CPAMD8: variants seen among roughly 807,000 people sequenced by gnomAD.
CPAMD8 encodes C3 and PZP-like alpha-2-macroglobulin domain-containing protein 8.
In CPAMD8, 146 loss-of-function variants were observed where a neutral mutation model predicts 224.7. The observed-to-expected ratio is 0.65, with a 90% CI of 0.57 to 0.75. The LOEUF is 0.75. CPAMD8 is among the 30% of genes least tolerant of loss of function. CPAMD8 has a pLI of 0.00. For missense variants in CPAMD8, 2,301 were observed against 2,537.5 expected, an observed-to-expected ratio of 0.91 and a Z score of 2.00; for synonymous variants, 966 against 1,044.6, an observed-to-expected ratio of 0.92 and a Z score of 1.45.
At chr19:17,006,430 G>C (rs556791614) in intron 7 of CPAMD8, among the ~76,000 whole-genome samples, 1 of 152,004 alleles carries the variant, frequency 6.6e-6, no homozygotes, top group Non-Finnish European at 1.5e-5. Flanking sequence ...GGCTGAGGTG[G>C]GAGGATCACT....
At chr19:16,916,421 T>C (rs192837563) in intron 27 of CPAMD8, among the ~76,000 whole-genome samples, 53 of 152,232 alleles carry the variant, frequency 3.5e-4, no homozygotes, top group Non-Finnish European at 6.6e-4. Flanking sequence ...AGCTAATATT[T>C]TTGTATTTTT....
intron 27 of CPAMD8, among the ~76,000 whole-genome samples, chr19:16,917,979 T>C (rs2053024703): frequency 6.6e-6 from 1 of 152,032 alleles, no homozygotes; most frequent in Non-Finnish European, 1.5e-5. Flanking sequence ...CCGACACATA[T>C]CCTCCCGTGA....
chr19:16,952,301 G>C, intron 19 of CPAMD8, 101 bp from the exon 20 acceptor site: 1 of 695,616 alleles, frequency 1.4e-6, no homozygotes, highest in Non-Finnish European at 2.5e-6. Context: ...GCTCAGAGAG[G>C]CACCCTAGGA....
chr19:16,944,219 C>T (rs945908266), intron 22 of CPAMD8, among the ~76,000 whole-genome samples: 1 of 152,222 alleles, frequency 6.6e-6, no homozygotes, highest in African/African-American at 2.4e-5. Flanking sequence ...GAGCATTTTG[C>T]TGCTTTATCA....
intron 36 of CPAMD8, among the ~76,000 whole-genome samples, chr19:16,900,833 G>A (rs1213200769): frequency 3.9e-5 from 6 of 151,982 alleles, no homozygotes; most frequent in South Asian, 2.1e-4. Flanking sequence ...GCAACATGGC[G>A]AAACCCTGTC....
At chr19:16,940,814 GA>G (rs1163392093) in intron 22 of CPAMD8, among the ~76,000 whole-genome samples, 1 of 152,196 alleles carries the variant, frequency 6.6e-6, no homozygotes, top group East Asian at 1.9e-4. Context: ...GGGCACCAGG[GA>G]AGGCCCCAGA....
In CPAMD8 at chr19:16,987,166, AAAAAAAAAAAAAAATATATAT is replaced by A. The variant is rs1483825651; in HGVS notation, c.1395+2456_1395+2476del. Among the ~76,000 whole-genome samples, 940 of 103,938 alleles carry A rather than the reference AAAAAAAAAAAAAAATATATAT, an allele frequency of 9.0e-3. 9 individuals carry two copies. Among genetic ancestry groups the A allele is most frequent in the African/African-American group, 0.037 (894 of 24,396 alleles). 68.2% of individuals were successfully genotyped at this position (103,938 alleles called of 152,430 possible). A position where few individuals can be genotyped will look rare whatever the true frequency, so the allele number is the denominator to read the frequency against. On this transcript the variant is annotated intron_variant, in intron 13 of 41. Coordinates refer to ENST00000443236, the MANE Select transcript of CPAMD8 (RefSeq NM_015692.5). Reference sequence around the variant, plus strand: ...AGAGACTCTGTCAAAAAAAAAAAAAAAAAAAAAAAAAAAATATATATATATATATATATATATATATATGTA... The same window carrying A: ...AGAGACTCTGTCAAAAAAAAAAAAAAATATATATATATATATATATATGTA...
At chr19:16,896,055 AG>A (rs1390593542) in intron 41 of CPAMD8, 120 bp downstream of exon 41, 1 of 1,035,358 alleles carries the variant, frequency 9.7e-7, no homozygotes, top group South Asian at 1.3e-5. Flanking sequence ...TCCCACTGCC[AG>A]TGGGGGGTCG....
chr19:17,001,685 T>C (rs2123036477), intron 9 of CPAMD8, among the ~76,000 whole-genome samples: 1 of 150,746 alleles, frequency 6.6e-6, no homozygotes, highest in East Asian at 2.0e-4. Flanking sequence ...CACCGAGTAC[T>C]AGGGAGGGAG....
At chr19:16,904,176 A>ACGG in intron 32 of CPAMD8, 50 bp downstream of exon 32, 49 of 937,296 alleles carry the variant, frequency 5.2e-5, no homozygotes, top group Middle Eastern at 3.2e-4. Flanking sequence ...GACTGCAGGG[A>ACGG]CCCCACCCAC....
chr19:16,984,111 C>A (rs1201083044), intron 13 of CPAMD8, among the ~76,000 whole-genome samples: 1 of 152,022 alleles, frequency 6.6e-6, no homozygotes, highest in Non-Finnish European at 1.5e-5. Flanking sequence ...AAAGCATAGT[C>A]TTTTTAACAA....
At chr19:16,987,911 G>A (rs565915231) in intron 13 of CPAMD8, among the ~76,000 whole-genome samples, 98 of 152,064 alleles carry the variant, frequency 6.4e-4, no homozygotes, top group African/African-American at 2.2e-3. Context: ...CAATCCTCCC[G>A]CCTCAGCCTC....
At chr19:17,025,127 C>G (rs887605786) in intron 1 of CPAMD8, among the ~76,000 whole-genome samples, 1 of 152,118 alleles carries the variant, frequency 6.6e-6, no homozygotes, top group Non-Finnish European at 1.5e-5. Flanking sequence ...AACTCTCTAA[C>G]GGGCCAGGCA....
intron 20 of CPAMD8, 81 bp downstream of exon 20, chr19:16,951,888 C>A (rs565253473): frequency 2.2e-6 from 2 of 891,846 alleles, no homozygotes; most frequent in South Asian, 1.5e-5. Flanking sequence ...CACTGTCCCA[C>A]CCCTGCCTAC....
chr19:16,927,814 T>C (rs1027412437), intron 25 of CPAMD8, among the ~76,000 whole-genome samples, 195 bp downstream of exon 25: 5 of 152,214 alleles, frequency 3.3e-5, no homozygotes, highest in Admixed American at 2.6e-4. Context: ...GGATCAGCTC[T>C]TGGGCTTCCT....
chr19:16,940,630 G>A (rs930480584), intron 22 of CPAMD8, among the ~76,000 whole-genome samples: 10 of 152,152 alleles, frequency 6.6e-5, no homozygotes, highest in Non-Finnish European at 1.0e-4. Flanking sequence ...CTATACTGAT[G>A]AGTCCAGGAG....
rs71946803 is a variant in CPAMD8, at chr19:16,967,892, T to TATGTGCATATACACACACAC, written c.2213+2998_2213+2999insGTGTGTGTGTATATGCACAT. 1.8e-3 allele frequency among the ~76,000 whole-genome samples: 90 copies of TATGTGCATATACACACACAC among 49,500 alleles called. 3 individuals are homozygous for TATGTGCATATACACACACAC. The highest frequency in any genetic ancestry group is 0.011 in the African/African-American group (82 of 7,454). The allele number at this position is 49,500 out of a possible 152,430, so 32.5% of individuals were successfully genotyped here. A position where few individuals can be genotyped will look rare whatever the true frequency, so the allele number is the denominator to read the frequency against. ...ATATATGTGCATATATACACACACA[T>TATGTGCATATACACACACAC]GTGTGTGTATATATGTGCATATATA... On this transcript the variant is annotated intron_variant, in intron 18 of 41. Coordinates refer to ENST00000443236, the MANE Select transcript of CPAMD8 (RefSeq NM_015692.5).
chr19:16,952,985 A>G (rs2054345552), intron 19 of CPAMD8, among the ~76,000 whole-genome samples: 1 of 152,184 alleles, frequency 6.6e-6, no homozygotes, highest in Non-Finnish European at 1.5e-5. Context: ...CAAAGCTACC[A>G]TATTCAAATC....
chr19:16,953,110 T>C (rs906306016), intron 19 of CPAMD8, among the ~76,000 whole-genome samples: 2 of 152,248 alleles, frequency 1.3e-5, no homozygotes, highest in South Asian at 4.1e-4. Context: ...CAAGATACTT[T>C]AGGGAAAAGA....
Sources: allele counts gnomAD v4.1 joint callset (sites outside exome capture counted in the v4.1 genomes callset), GRCh38; gene constraint gnomAD v4.1.1; transcripts MANE v1.5; gene names NCBI Gene and HGNC (gene_info 2026-07-23, HGNC 2026-07-21).